Variants in RSBN1L observed in about 807,000 individuals in gnomAD.
The protein encoded by RSBN1L is lysine-specific demethylase RSBN1L.
In RSBN1L, 30 loss-of-function variants were observed where a neutral mutation model predicts 67.7. The ratio of observed to expected loss-of-function variants is 0.44; its 90% CI spans 0.33 to 0.60. The LOEUF (loss-of-function observed/expected upper bound fraction) is 0.60, where lower values mean the gene tolerates loss of function less well. Among genes scored for constraint, RSBN1L ranks in the 20% least tolerant of loss-of-function variants. RSBN1L has a pLI of 0.02. For synonymous variants in RSBN1L, 433 were observed against 387.0 expected (o/e 1.12, Z -1.39); for missense variants, 992 against 1,031.7 (o/e 0.96, Z 0.53).
chr7:77,731,585 C>A (rs879404789), intron 1 of RSBN1L, among the ~76,000 whole-genome samples: 3 of 152,122 alleles, frequency 2.0e-5, no homozygotes, highest in Non-Finnish European at 4.4e-5. Flanking sequence ...TAAAGAGTTA[C>A]CTTTTTTTGG....
intron 1 of RSBN1L, among the ~76,000 whole-genome samples, chr7:77,722,336 G>A (rs1375232522): frequency 6.6e-6 from 1 of 152,102 alleles, no homozygotes; most frequent in African/African-American, 2.4e-5. Flanking sequence ...GCCTAGGAGA[G>A]ATCCTAGGTA....
intron 3 of RSBN1L, among the ~76,000 whole-genome samples, chr7:77,763,678 G>A (rs1201924577): frequency 1.3e-5 from 2 of 152,176 alleles, no homozygotes; most frequent in East Asian, 1.9e-4. Context: ...GGGGGCATAA[G>A]CCCCAGCTGT....
intron 3 of RSBN1L, among the ~76,000 whole-genome samples, chr7:77,760,129 A>G (rs1255221773): frequency 6.6e-6 from 1 of 152,242 alleles, no homozygotes; most frequent in Non-Finnish European, 1.5e-5. Context: ...TGTTTTTGGC[A>G]ACATATTTCC....
intron 4 of RSBN1L, among the ~76,000 whole-genome samples, chr7:77,766,520 CTTT>C (rs750812101): frequency 1.4e-5 from 2 of 144,066 alleles, no homozygotes; most frequent in Admixed American, 7.0e-5. Context: ...AGCCAGATTC[CTTT>C]TTTTTTTTTT....
intron 1 of RSBN1L, among the ~76,000 whole-genome samples, chr7:77,732,261 TTATAG>T (rs1426862295): frequency 6.6e-6 from 1 of 152,196 alleles, no homozygotes; most frequent in African/African-American, 2.4e-5. Context: ...GAGTAATGTA[TTATAG>T]TAAACAGTGA....
At chr7:77,724,495 G>T (rs1420662216) in intron 1 of RSBN1L, among the ~76,000 whole-genome samples, 1 of 146,572 alleles carries the variant, frequency 6.8e-6, no homozygotes, top group Non-Finnish European at 1.5e-5. Flanking sequence ...GTGCGCTCTT[G>T]GTTCACTGCA....
At chr7:77,727,453 A>G (rs1175483217) in intron 1 of RSBN1L, among the ~76,000 whole-genome samples, 3 of 152,154 alleles carry the variant, frequency 2.0e-5, no homozygotes, top group Admixed American at 2.0e-4. Context: ...AGTTAGTTTT[A>G]GACATATAGT....
intron 1 of RSBN1L, among the ~76,000 whole-genome samples, chr7:77,711,050 T>A (rs1790967459): frequency 1.3e-5 from 2 of 152,188 alleles, no homozygotes; most frequent in African/African-American, 4.8e-5. Context: ...CCTTTTTGCC[T>A]GCTCAGAAGA....
chr7:77,740,041 T>C (rs992415971), intron 2 of RSBN1L, among the ~76,000 whole-genome samples: 5 of 151,938 alleles, frequency 3.3e-5, no homozygotes, highest in Non-Finnish European at 5.9e-5. Flanking sequence ...CATGAGCCAC[T>C]GCGTCCGGCC....
In RSBN1L at chr7:77,778,787, A is replaced by G. The variant is rs1791952789; in HGVS notation, c.2160A>G (p.Gly720=). The change falls in exon 8 of 8, where the codon GGA becomes GGG. Residue 720 remains glycine, a synonymous_variant. Transcript: ENST00000334955. Reference sequence around the variant, plus strand: ...CAGATTCCACATCATCTGTTCTTGGACCTCACACTGACAACATGATTTGTG... The same window carrying G: ...CAGATTCCACATCATCTGTTCTTGGGCCTCACACTGACAACATGATTTGTG... ...TSSDSTSSVL[G]PHTDNMICAV... 1 of 1,614,000 alleles carries G rather than the reference A, an allele frequency of 6.2e-7. No individual in the cohort carries two copies. Among genetic ancestry groups the G allele is most frequent in the Admixed American group, 1.7e-5 (1 of 59,998 alleles).
intron 3 of RSBN1L, among the ~76,000 whole-genome samples, chr7:77,759,950 T>TTGTC (rs1791677734): frequency 6.6e-6 from 1 of 152,200 alleles, no homozygotes; most frequent in Non-Finnish European, 1.5e-5. Context: ...ACTGTAGAGC[T>TTGTC]CTCTCTTCAG....
rs1225819252 is a variant in RSBN1L at position 77,782,434 on chromosome 7, C to T, written c.*3266C>T. On this transcript the variant is annotated 3_prime_UTR_variant, in exon 8 of 8. Transcript: ENST00000334955. ...CCCTACCCCTCCATTTTGTTTATAACCTTTTAGCTATCTAAATAATACGTA... is the reference window on the plus strand; with the variant it reads ...CCCTACCCCTCCATTTTGTTTATAATCTTTTAGCTATCTAAATAATACGTA... The T allele has an allele frequency of 6.6e-6, 1 of 152,176 alleles. No individual in the cohort carries two copies. The highest frequency in any genetic ancestry group is 1.9e-4 in the East Asian group (1 of 5,196). 9.4% of individuals were successfully genotyped at this position (152,176 alleles called of 1,614,324 possible). A position where few individuals can be genotyped will look rare whatever the true frequency, so the allele number is the denominator to read the frequency against.
intron 6 of RSBN1L, among the ~76,000 whole-genome samples, chr7:77,775,701 A>G (rs143055024): frequency 2.0e-5 from 3 of 152,126 alleles, no homozygotes; most frequent in Non-Finnish European, 4.4e-5. Context: ...TAGTGCTTCT[A>G]AATTTCTTGG....
At chr7:77,705,509 G>GT (rs1562792996) in intron 1 of RSBN1L, among the ~76,000 whole-genome samples, 17 of 82,696 alleles carry the variant, frequency 2.1e-4, no homozygotes, top group African/African-American at 1.2e-3. Context: ...CCATTGTAAT[G>GT]GTTTTTTTTT....
chr7:77,741,357 A>G (rs757133550), intron 2 of RSBN1L, among the ~76,000 whole-genome samples: 3 of 151,878 alleles, frequency 2.0e-5, no homozygotes, highest in Non-Finnish European at 2.9e-5. Flanking sequence ...TCTTTCTGTT[A>G]TAGGTACCTG....
Position 77,780,296 on chromosome 7 carries a change from GA to G in RSBN1L, c.*1134del, listed in dbSNP as rs1161005402. 1.3e-5 allele frequency: 2 copies of G among 151,928 alleles called. No individual in the cohort carries two copies. Among genetic ancestry groups the G allele is most frequent in the Non-Finnish European group, 2.9e-5 (2 of 67,982 alleles). The allele number at this position is 151,928 out of a possible 1,614,324, so 9.4% of individuals were successfully genotyped here. A position where few individuals can be genotyped will look rare whatever the true frequency, so the allele number is the denominator to read the frequency against. On this transcript the variant is annotated 3_prime_UTR_variant, in exon 8 of 8. Coordinates refer to ENST00000334955, the MANE Select transcript of RSBN1L (RefSeq NM_198467.3). Reference sequence around the variant, plus strand: ...TTAGCCCTTCTCCCCAAAATACATTGAAAAAAGTTTTATATTAAACTATTAA... The same window carrying G: ...TTAGCCCTTCTCCCCAAAATACATTGAAAAAGTTTTATATTAAACTATTAA...
At chr7:77,773,485 C>T (rs1584305770) in intron 6 of RSBN1L, 171 bp downstream of exon 6, 1 of 456,620 alleles carries the variant, frequency 2.2e-6, no homozygotes, top group Non-Finnish European at 3.7e-6. Context: ...TAGAATCTGG[C>T]TGGGTGGGGT....
intron 6 of RSBN1L, among the ~76,000 whole-genome samples, chr7:77,777,224 G>A (rs12667288): frequency 0.12 from 17,616 of 151,676 alleles, 1,540 homozygotes; most frequent in African/African-American, 0.24. Flanking sequence ...CTTTACATAT[G>A]CCATAAACCC....
At position 77,773,185 on chromosome 7, in the gene RSBN1L, G is replaced by A; in HGVS notation, c.1664G>A (p.Arg555Gln). 1 of 1,608,322 alleles carries A rather than the reference G, an allele frequency of 6.2e-7. No homozygotes were observed. The highest frequency in any genetic ancestry group is 8.5e-7 in the Non-Finnish European group (1 of 1,178,294). ...NEIKNLQYLPRTSEPREMLFE... is the reference protein window; with the variant it reads ...NEIKNLQYLPQTSEPREMLFE... ...ATAAAAAATCTTCAGTACCTACCTC[G>A]AACAAGTGAGCCCCGTGAGATGCTC... Residue 555 changes from arginine to glutamine, a missense_variant, in exon 6 of 8, where the codon CGA becomes CAA. This residue lies in a region of RSBN1L where 67 missense variants were observed against 130.5 expected (regional missense o/e 0.51). Transcript: ENST00000334955.
Sources: allele counts gnomAD v4.1 joint callset (sites outside exome capture counted in the v4.1 genomes callset), GRCh38; gene constraint gnomAD v4.1.1; regional missense constraint gnomAD v4.1.1; transcripts MANE v1.5; gene names NCBI Gene and HGNC (gene_info 2026-07-23, HGNC 2026-07-21).